Variants in MYO3A observed in about 807,000 individuals in gnomAD.
MYO3A encodes the protein myosin-IIIa.
In MYO3A, 180 loss-of-function variants were observed where a neutral mutation model predicts 192.7. The ratio of observed to expected loss-of-function variants is 0.93; its 90% confidence interval spans 0.83 to 1.06. The LOEUF (loss-of-function observed/expected upper bound fraction) is 1.06, where lower values mean the gene tolerates loss of function less well. MYO3A is among the 50% of genes least tolerant of loss of function. The pLI is 0.00. For missense variants in MYO3A, 1,896 were observed against 1,905.0 expected (o/e 1.00, Z 0.09); for synonymous variants, 628 against 645.3 (o/e 0.97, Z 0.41).
chr10:26,060,320 T>C (rs183743765), intron 10 of MYO3A, among the ~76,000 whole-genome samples: 1,708 of 151,652 alleles, frequency 0.011, 37 homozygotes, highest in African/African-American at 0.037. Context: ...ATACAAAAAT[T>C]AGCCTGGCAT....
At chr10:26,172,555 G>A (rs1490275062) in intron 29 of MYO3A, among the ~76,000 whole-genome samples, 2 of 152,126 alleles carry the variant, frequency 1.3e-5, no homozygotes, top group African/African-American at 4.8e-5. Flanking sequence ...ACTTATAAAT[G>A]GATTTTTCGG....
intron 26 of MYO3A, among the ~76,000 whole-genome samples, chr10:26,162,523 G>A (rs958993028): frequency 6.6e-6 from 1 of 152,112 alleles, no homozygotes; most frequent in Non-Finnish European, 1.5e-5. Context: ...AAATACTTGT[G>A]AAACAGCCAC....
At chr10:26,050,047 G>C (rs1169742846) in intron 10 of MYO3A, among the ~76,000 whole-genome samples, 1 of 151,942 alleles carries the variant, frequency 6.6e-6, no homozygotes, top group Non-Finnish European at 1.5e-5. Context: ...TTCTGGTACA[G>C]AGGACTGTAA....
chr10:26,148,280 A>G (rs996158605), intron 23 of MYO3A, among the ~76,000 whole-genome samples: 2 of 152,050 alleles, frequency 1.3e-5, no homozygotes, highest in Non-Finnish European at 2.9e-5. Context: ...TCCCCATTGA[A>G]TTGCTTTGAC....
intron 4 of MYO3A, among the ~76,000 whole-genome samples, chr10:25,984,612 A>C (rs1385947251): frequency 6.6e-6 from 1 of 152,062 alleles, no homozygotes; most frequent in Non-Finnish European, 1.5e-5. Flanking sequence ...TTGCCCATTA[A>C]ACTTTTCGCT....
intron 17 of MYO3A, among the ~76,000 whole-genome samples, chr10:26,101,766 G>A (rs1051695112): frequency 2.0e-5 from 3 of 152,148 alleles, no homozygotes; most frequent in South Asian, 2.1e-4. Context: ...CAGGAGATCC[G>A]CTGTTAGTCT....
chr10:26,090,801 C>T (rs1382912555), intron 15 of MYO3A, among the ~76,000 whole-genome samples: 1 of 152,202 alleles, frequency 6.6e-6, no homozygotes, highest in Non-Finnish European at 1.5e-5. Context: ...ACAGAGATCA[C>T]ATGGGCATTG....
At chr10:26,127,843 T>G (rs1472221010) in intron 19 of MYO3A, among the ~76,000 whole-genome samples, 5 of 151,876 alleles carry the variant, frequency 3.3e-5, no homozygotes, top group Admixed American at 6.6e-5. Flanking sequence ...AATAAATCCC[T>G]ATGTATTTGT....
chr10:26,021,124 C>A (rs1293427241), intron 7 of MYO3A, among the ~76,000 whole-genome samples: 1 of 152,152 alleles, frequency 6.6e-6, no homozygotes, highest in Non-Finnish European at 1.5e-5. Context: ...AAAACATAGC[C>A]TTCATCTTTG....
chr10:25,954,255 G>C (rs12252281), intron 3 of MYO3A, among the ~76,000 whole-genome samples: 3,400 of 152,114 alleles, frequency 0.022, 152 homozygotes, highest in African/African-American at 0.078. Context: ...TGTATGAATT[G>C]TTTCATATAT....
At chr10:25,962,064 GC>G (rs1837965970) in intron 4 of MYO3A, among the ~76,000 whole-genome samples, 3 of 152,082 alleles carry the variant, frequency 2.0e-5, no homozygotes, top group Admixed American at 2.0e-4. Context: ...GGCCATACTA[GC>G]CTAGAGAAAC....
chr10:26,179,602 T>C (rs1483637151), intron 31 of MYO3A, among the ~76,000 whole-genome samples: 1 of 152,190 alleles, frequency 6.6e-6, no homozygotes, highest in Non-Finnish European at 1.5e-5. Flanking sequence ...GAACTTACTG[T>C]ATGATGATGT....
intron 17 of MYO3A, among the ~76,000 whole-genome samples, chr10:26,116,111 T>C (rs917049084): frequency 2.0e-5 from 3 of 152,162 alleles, no homozygotes; most frequent in Admixed American, 6.5e-5. Flanking sequence ...AAAGCATTAG[T>C]TTGCTAGGGC....
intron 4 of MYO3A, among the ~76,000 whole-genome samples, chr10:25,960,297 C>T (rs1837843051): frequency 6.6e-6 from 1 of 152,054 alleles, no homozygotes; most frequent in African/African-American, 2.4e-5. Context: ...AATCTTTCAT[C>T]ATCTGATGCT....
chr10:26,123,500 A>C (rs1588995941), intron 18 of MYO3A, among the ~76,000 whole-genome samples: 1 of 152,252 alleles, frequency 6.6e-6, no homozygotes, highest in Non-Finnish European at 1.5e-5. Context: ...ATTTTCTCCT[A>C]TCAAATTGGC....
intron 17 of MYO3A, among the ~76,000 whole-genome samples, chr10:26,100,911 T>G (rs925692902): frequency 2.6e-5 from 4 of 152,212 alleles, no homozygotes; most frequent in African/African-American, 9.7e-5. Flanking sequence ...GTCTGTTAGG[T>G]CTGCTTGTTG....
intron 10 of MYO3A, among the ~76,000 whole-genome samples, chr10:26,039,207 A>ATTTTTT (rs34416918): frequency 8.6e-4 from 92 of 106,780 alleles, no homozygotes; most frequent in Non-Finnish European, 1.1e-3. Context: ...GGCTCGGCTA[A>ATTTTTT]TTTTTTTTTT....
chr10:25,971,199 T>C (rs1838620045), intron 4 of MYO3A, among the ~76,000 whole-genome samples: 1 of 152,164 alleles, frequency 6.6e-6, no homozygotes, highest in Admixed American at 6.5e-5. Context: ...TTCTTTTAGT[T>C]TGTTCCTGTG....
At chr10:26,081,146 GCCC>G (rs907981671) in intron 14 of MYO3A, among the ~76,000 whole-genome samples, 12 of 70,764 alleles carry the variant, frequency 1.7e-4, no homozygotes, top group African/African-American at 6.3e-4. Context: ...CCCCCCCCCC[GCCC>G]CCGCTACCAG....
Sources: gnomAD v4.1 joint callset for allele counts (sites outside exome capture counted in the v4.1 genomes callset) on GRCh38, gnomAD v4.1.1 for gene constraint, MANE v1.5 for transcripts, NCBI Gene and HGNC (gene_info 2026-07-23, HGNC 2026-07-21) for gene names.